The following TRMT11 variants were observed in gnomAD, a reference collection of about 807,000 sequenced individuals.
TRMT11 encodes tRNA (guanine(10)-N(2))-methyltransferase TRMT11.
A neutral mutation model predicts 62.8 loss-of-function variants in TRMT11; 53 were observed. The observed-to-expected ratio is 0.84, with a 90% confidence interval of 0.68 to 1.06. TRMT11 has a LOEUF of 1.06. Ranked by LOEUF, TRMT11 falls within the 50% of genes least tolerant of loss-of-function variation. The pLI is 0.00. For missense variants in TRMT11, 556 were observed against 553.4 expected, an observed-to-expected ratio of 1.00 and a Z score of -0.05; for synonymous variants, 188 against 190.3, an observed-to-expected ratio of 0.99 and a Z score of 0.10.
the TRMT11 span, among the ~76,000 whole-genome samples, chr6:126,243,273 A>T: frequency 6.6e-6 from 1 of 152,248 alleles, no homozygotes; most frequent in Non-Finnish European, 1.5e-5. Flanking sequence ...ATCATTAAAA[A>T]GTCAGGAAAC....
chr6:126,100,620 A>T (rs1471662823), intron 17 of TRMT11, among the ~76,000 whole-genome samples: 1 of 152,198 alleles, frequency 6.6e-6, no homozygotes, highest in East Asian at 1.9e-4. Flanking sequence ...CATCCCAATA[A>T]GCTGTGGCCA....
intron 1 of TRMT11, among the ~76,000 whole-genome samples, chr6:126,187,570 A>G (rs1486221043): frequency 6.6e-6 from 1 of 152,064 alleles, no homozygotes; most frequent in African/African-American, 2.4e-5. Context: ...TAGTCTCAAC[A>G]TACTTTTTTG....
At chr6:126,051,143 A>G (rs768989817) in intron 16 of TRMT11, among the ~76,000 whole-genome samples, 19 of 152,218 alleles carry the variant, frequency 1.2e-4, no homozygotes, top group Non-Finnish European at 2.2e-4. Flanking sequence ...TATATTATTT[A>G]TACCAAAGAG....
At chr6:126,140,874 C>G (rs1777909102) in intron 21 of TRMT11, among the ~76,000 whole-genome samples, 1 of 152,012 alleles carries the variant, frequency 6.6e-6, no homozygotes, top group East Asian at 1.9e-4. Flanking sequence ...AATGTATTTT[C>G]ATAATGACAC....
chr6:126,180,627 T>G (rs1019768344), intron 1 of TRMT11, among the ~76,000 whole-genome samples: 9 of 152,208 alleles, frequency 5.9e-5, no homozygotes, highest in Non-Finnish European at 1.3e-4. Flanking sequence ...GAAACAAGAA[T>G]GATTCATATA....
downstream of TRMT11, among the ~76,000 whole-genome samples, chr6:126,042,732 G>A (rs1775916301): frequency 6.6e-6 from 1 of 152,170 alleles, no homozygotes; most frequent in Admixed American, 6.6e-5. Context: ...ATGCAGCAGT[G>A]AAGATTAGCT....
chr6:126,253,847 G>T, the TRMT11 span, among the ~76,000 whole-genome samples: 2 of 152,172 alleles, frequency 1.3e-5, no homozygotes, highest in African/African-American at 4.8e-5. Context: ...GATGCTTCAA[G>T]TAAGGTCTCT....
chr6:126,190,335 T>C (rs1778582392), intron 1 of TRMT11, among the ~76,000 whole-genome samples: 1 of 152,146 alleles, frequency 6.6e-6, no homozygotes, highest in African/African-American at 2.4e-5. Context: ...TCTCCCATGC[T>C]GTTCTCGAGA....
At chr6:126,159,044 T>A (rs1778157481) in intron 21 of TRMT11, among the ~76,000 whole-genome samples, 1 of 152,160 alleles carries the variant, frequency 6.6e-6, no homozygotes, top group African/African-American at 2.4e-5. Context: ...CATTTCCCAC[T>A]GATGCCAAAG....
chr6:126,106,522 G>T (rs182401486), intron 17 of TRMT11, among the ~76,000 whole-genome samples: 2 of 152,158 alleles, frequency 1.3e-5, no homozygotes, highest in Non-Finnish European at 2.9e-5. Flanking sequence ...TTTTGCTGCT[G>T]CAGAAATAGG....
chr6:126,103,926 G>A (rs1361749306), intron 17 of TRMT11, among the ~76,000 whole-genome samples: 2 of 152,112 alleles, frequency 1.3e-5, no homozygotes, highest in Non-Finnish European at 2.9e-5. Context: ...TTATACAAGG[G>A]CATGAACAAC....
chr6:126,018,272 TCTTA>T (rs764445685), intron 11 of TRMT11, among the ~76,000 whole-genome samples: 10 of 152,290 alleles, frequency 6.6e-5, no homozygotes, highest in Non-Finnish European at 1.2e-4. Context: ...GTTTTTCATC[TCTTA>T]CTTAGGAAAG....
downstream of TRMT11, among the ~76,000 whole-genome samples, chr6:126,202,919 T>C (rs1321719278): frequency 6.6e-6 from 1 of 152,172 alleles, no homozygotes; most frequent in African/African-American, 2.4e-5. Context: ...TTTTTTTCCC[T>C]TTTATATGAA....
intron 3 of TRMT11, 125 bp from the exon 4 acceptor site, chr6:125,997,928 T>G (rs1791831519): frequency 5.9e-6 from 4 of 679,902 alleles, no homozygotes; most frequent in Non-Finnish European, 2.6e-6. Context: ...ACCGATTCAT[T>G]TATACTTTGC....
chr6:126,073,169 C>T (rs994844746), intron 17 of TRMT11, among the ~76,000 whole-genome samples: 14 of 152,042 alleles, frequency 9.2e-5, no homozygotes, highest in African/African-American at 2.9e-4. Context: ...TATCAATGGC[C>T]GGGTGTCAAA....
chr6:126,084,343 T>C (rs888250778), intron 17 of TRMT11, among the ~76,000 whole-genome samples: 2 of 152,182 alleles, frequency 1.3e-5, no homozygotes. Context: ...TGGTGAGTAA[T>C]GATGTTGAGC....
the TRMT11 span, among the ~76,000 whole-genome samples, chr6:126,268,979 T>G: frequency 9.2e-5 from 14 of 152,186 alleles, no homozygotes; most frequent in African/African-American, 3.1e-4. Flanking sequence ...ATGACTGGGT[T>G]GGCCGGGCGC....
At chr6:126,108,071 C>G (rs1167371651) in intron 17 of TRMT11, among the ~76,000 whole-genome samples, 1 of 152,126 alleles carries the variant, frequency 6.6e-6, no homozygotes, top group Non-Finnish European at 1.5e-5. Context: ...GTTTTTGTCT[C>G]ATATTCAAAT....
the TRMT11 span, among the ~76,000 whole-genome samples, chr6:126,252,702 C>A: frequency 6.6e-6 from 1 of 152,024 alleles, no homozygotes; most frequent in Admixed American, 6.6e-5. Context: ...CATCTGCAAG[C>A]AGGTAGAAAA....
Sources: allele counts gnomAD v4.1 joint callset (sites outside exome capture counted in the v4.1 genomes callset), GRCh38; gene constraint gnomAD v4.1.1; transcripts MANE v1.5; gene names NCBI Gene and HGNC (gene_info 2026-07-23, HGNC 2026-07-21).